Variants in EPHA6 observed in about 807,000 individuals in gnomAD.
EPHA6 encodes the protein ephrin type-A receptor 6.
EPHA6 carries 50 observed loss-of-function variants against 112.0 expected under a neutral mutation model. The ratio of observed to expected loss-of-function variants is 0.45; its 90% confidence interval spans 0.36 to 0.56. EPHA6 has a LOEUF of 0.56. Ranked by LOEUF, EPHA6 falls within the 20% of genes least tolerant of loss-of-function variation. The pLI is 0.00. For missense variants in EPHA6, 1,280 were observed against 1,417.4 expected (o/e 0.90, Z 1.56); for synonymous variants, 529 against 490.7 (o/e 1.08, Z -1.03).
At chr3:97,345,785 T>G (rs745741443) in intron 5 of EPHA6, among the ~76,000 whole-genome samples, 1 of 152,136 alleles carries the variant, frequency 6.6e-6, no homozygotes, top group Non-Finnish European at 1.5e-5. Context: ...GAAAAAATTG[T>G]AAGCATTGTC....
At chr3:97,416,265 T>C (rs953396983) in intron 6 of EPHA6, among the ~76,000 whole-genome samples, 2 of 152,112 alleles carry the variant, frequency 1.3e-5, no homozygotes, top group Non-Finnish European at 2.9e-5. Context: ...AATTATTTCC[T>C]TCACACCATG....
At chr3:97,170,043 A>G (rs920281554) in intron 3 of EPHA6, among the ~76,000 whole-genome samples, 1 of 151,944 alleles carries the variant, frequency 6.6e-6, no homozygotes. Context: ...TGACGGATTG[A>G]TAGATGCAGC....
At chr3:96,986,885 G>T (rs2043041788) in intron 2 of EPHA6, among the ~76,000 whole-genome samples, 1 of 152,084 alleles carries the variant, frequency 6.6e-6, no homozygotes, top group Admixed American at 6.6e-5. Context: ...GTGGCAAATT[G>T]GATATAAGGA....
At chr3:97,056,697 T>A (rs2045864575) in intron 3 of EPHA6, among the ~76,000 whole-genome samples, 1 of 152,190 alleles carries the variant, frequency 6.6e-6, no homozygotes, top group Non-Finnish European at 1.5e-5. Context: ...ATAGTAGAAG[T>A]GTTTTAACAT....
At chr3:97,453,550 A>G (rs2090590975) in intron 7 of EPHA6, among the ~76,000 whole-genome samples, 1 of 151,766 alleles carries the variant, frequency 6.6e-6, no homozygotes, top group Non-Finnish European at 1.5e-5. Context: ...TTTATAGCAC[A>G]TAAAATAATC....
At chr3:97,453,116 CAGTA>C (rs969942215) in intron 7 of EPHA6, among the ~76,000 whole-genome samples, 4 of 151,518 alleles carry the variant, frequency 2.6e-5, no homozygotes, top group Non-Finnish European at 5.9e-5. Context: ...TATATAGTAG[CAGTA>C]AGTAATTTTG....
At chr3:97,175,830 AG>A (rs2076820737) in intron 3 of EPHA6, among the ~76,000 whole-genome samples, 1 of 151,992 alleles carries the variant, frequency 6.6e-6, no homozygotes, top group East Asian at 1.9e-4. Context: ...TCCAAATACA[AG>A]ATCATATCAT....
chr3:96,862,591 T>G (rs2036071470), intron 1 of EPHA6, among the ~76,000 whole-genome samples: 1 of 151,928 alleles, frequency 6.6e-6, no homozygotes. Flanking sequence ...CTCTTCCTTG[T>G]GTAATTTTTC....
intron 2 of EPHA6, among the ~76,000 whole-genome samples, chr3:96,903,591 C>A (rs1269435133): frequency 6.6e-6 from 1 of 151,894 alleles, no homozygotes; most frequent in Middle Eastern, 3.2e-3. Flanking sequence ...GAAGTTTTTA[C>A]CCCAAATTAT....
At chr3:97,620,666 T>G (rs1044467920) in intron 13 of EPHA6, among the ~76,000 whole-genome samples, 2 of 151,828 alleles carry the variant, frequency 1.3e-5, no homozygotes, top group African/African-American at 4.8e-5. Flanking sequence ...ATGAAAAAAC[T>G]CAGTATCACT....
chr3:97,104,891 A>T (rs1446965931), intron 3 of EPHA6, among the ~76,000 whole-genome samples: 3 of 151,752 alleles, frequency 2.0e-5, no homozygotes, highest in African/African-American at 7.3e-5. Context: ...GTGTCCAGGA[A>T]TTCATCTGTC....
intron 6 of EPHA6, among the ~76,000 whole-genome samples, chr3:97,425,736 T>C (rs2089063929): frequency 6.6e-6 from 1 of 152,226 alleles, no homozygotes; most frequent in African/African-American, 2.4e-5. Flanking sequence ...TTTTCTTTTC[T>C]ATTGCATTGT....
At chr3:97,494,039 G>A (rs2091917015) in intron 10 of EPHA6, among the ~76,000 whole-genome samples, 1 of 152,220 alleles carries the variant, frequency 6.6e-6, no homozygotes, top group African/African-American at 2.4e-5. Flanking sequence ...TGTTCAATGT[G>A]CAATTGAAGC....
chr3:97,331,811 C>T (rs1429120558), intron 5 of EPHA6, among the ~76,000 whole-genome samples: 2 of 151,852 alleles, frequency 1.3e-5, no homozygotes, highest in East Asian at 1.9e-4. Flanking sequence ...AATTCACAGC[C>T]GAATTTTACC....
chr3:97,082,630 G>A (rs904613808), intron 3 of EPHA6, among the ~76,000 whole-genome samples: 3 of 151,836 alleles, frequency 2.0e-5, no homozygotes, highest in Admixed American at 6.6e-5. Context: ...TGACTTTCAC[G>A]TTAGTATAAA....
At chr3:97,227,313 C>T (rs1310591777) in intron 4 of EPHA6, among the ~76,000 whole-genome samples, 2 of 151,620 alleles carry the variant, frequency 1.3e-5, no homozygotes, top group African/African-American at 4.8e-5. Flanking sequence ...CTCCACCTCC[C>T]GGATTCAAGC....
At chr3:97,454,805 C>T (rs1302156338) in intron 7 of EPHA6, among the ~76,000 whole-genome samples, 1 of 151,900 alleles carries the variant, frequency 6.6e-6, no homozygotes, top group Non-Finnish European at 1.5e-5. Flanking sequence ...TCATTATTAA[C>T]ACCAGCTAGA....
At chr3:97,116,770 A>G (rs1415865551) in intron 3 of EPHA6, among the ~76,000 whole-genome samples, 2 of 151,674 alleles carry the variant, frequency 1.3e-5, no homozygotes, top group Non-Finnish European at 3.0e-5. Flanking sequence ...TATCTTGGAT[A>G]TTGTGAATAG....
At chr3:96,896,329 C>T (rs952378263) in intron 2 of EPHA6, among the ~76,000 whole-genome samples, 5 of 152,248 alleles carry the variant, frequency 3.3e-5, no homozygotes, top group African/African-American at 1.2e-4. Flanking sequence ...GCTTACTTTC[C>T]TCACCTGGAT....
Sources: gnomAD v4.1 joint callset for allele counts (sites outside exome capture counted in the v4.1 genomes callset) on GRCh38, gnomAD v4.1.1 for gene constraint, MANE v1.5 for transcripts, NCBI Gene and HGNC (gene_info 2026-07-23, HGNC 2026-07-21) for gene names.